Variants in ADAMTSL1 observed in about 807,000 individuals in gnomAD.
The protein encoded by ADAMTSL1 is ADAMTS-like protein 1.
ADAMTSL1 carries 126 observed loss-of-function variants against 201.8 expected under a neutral mutation model. The observed-to-expected ratio is 0.62, with a 90% CI of 0.54 to 0.72. The LOEUF (loss-of-function observed/expected upper bound fraction) is 0.72. ADAMTSL1 is among the 30% of genes least tolerant of loss of function. ADAMTSL1 has a pLI of 0.00. For synonymous variants in ADAMTSL1, 1,121 were observed against 903.4 expected (o/e 1.24, Z -4.32); for missense variants, 2,679 against 2,277.8 (o/e 1.18, Z -3.59).
intron 2 of ADAMTSL1, among the ~76,000 whole-genome samples, chr9:18,192,560 T>G (rs1829011737): frequency 6.6e-6 from 1 of 152,160 alleles, no homozygotes; most frequent in African/African-American, 2.4e-5. Context: ...TTAATAATAT[T>G]TTGGAAGCTA....
intron 2 of ADAMTSL1, among the ~76,000 whole-genome samples, chr9:18,210,421 ATT>A (rs1249941758): frequency 3.4e-5 from 5 of 146,000 alleles, no homozygotes; most frequent in South Asian, 2.1e-4. Flanking sequence ...TATGATATAT[ATT>A]AATAAATATA....
intron 23 of ADAMTSL1, among the ~76,000 whole-genome samples, chr9:18,858,754 C>A (rs1827023059): frequency 6.6e-6 from 1 of 152,146 alleles, no homozygotes; most frequent in Non-Finnish European, 1.5e-5. Flanking sequence ...TCAGGTCTTA[C>A]CTTTGTGACT....
At chr9:18,030,793 A>G (rs1417834632) in intron 1 of ADAMTSL1, among the ~76,000 whole-genome samples, 2 of 152,160 alleles carry the variant, frequency 1.3e-5, no homozygotes, top group Non-Finnish European at 2.9e-5. Flanking sequence ...TCTCTCAGGA[A>G]TGCCAATGAA....
chr9:18,800,051 C>A (rs1288462541), intron 20 of ADAMTSL1, among the ~76,000 whole-genome samples: 1 of 152,032 alleles, frequency 6.6e-6, no homozygotes, highest in African/African-American at 2.4e-5. Context: ...CAAAGGCTAA[C>A]AAAGGAAGAT....
chr9:18,787,932 T>C (rs762850249), intron 19 of ADAMTSL1, among the ~76,000 whole-genome samples: 1 of 152,152 alleles, frequency 6.6e-6, no homozygotes, highest in Non-Finnish European at 1.5e-5. Context: ...CAAGACTCTA[T>C]GAACTTCTGA....
chr9:18,023,247 G>C (rs1266946612), intron 1 of ADAMTSL1, among the ~76,000 whole-genome samples: 1 of 152,026 alleles, frequency 6.6e-6, no homozygotes, highest in Non-Finnish European at 1.5e-5. Flanking sequence ...AACACAGATT[G>C]CTGGGTCCCT....
chr9:18,149,526 T>A (rs1340563998), intron 1 of ADAMTSL1, among the ~76,000 whole-genome samples: 6 of 151,980 alleles, frequency 3.9e-5, no homozygotes, highest in Non-Finnish European at 8.8e-5. Context: ...GAGCACAACA[T>A]CACATCACCA....
chr9:18,297,867 C>T (rs1372885717), intron 2 of ADAMTSL1, among the ~76,000 whole-genome samples: 2 of 152,152 alleles, frequency 1.3e-5, no homozygotes, highest in Non-Finnish European at 2.9e-5. Flanking sequence ...CCCTTTGAAC[C>T]GCAGCAAAAG....
intron 1 of ADAMTSL1, among the ~76,000 whole-genome samples, chr9:18,144,083 T>C (rs2132017185): frequency 6.6e-6 from 1 of 152,304 alleles, no homozygotes; most frequent in Non-Finnish European, 1.5e-5. Context: ...TGGAACTCTC[T>C]CCTGATTTTG....
intron 1 of ADAMTSL1, among the ~76,000 whole-genome samples, chr9:17,935,499 C>T (rs970821874): frequency 1.3e-5 from 2 of 152,150 alleles, no homozygotes; most frequent in African/African-American, 4.8e-5. Context: ...ATTTAACAGG[C>T]CTCTTACCAT....
At chr9:18,702,702 T>G (rs1484544734) in intron 13 of ADAMTSL1, among the ~76,000 whole-genome samples, 1 of 152,170 alleles carries the variant, frequency 6.6e-6, no homozygotes, top group Non-Finnish European at 1.5e-5. Context: ...ACACCCATCT[T>G]TTAAAGAAAT....
intron 2 of ADAMTSL1, among the ~76,000 whole-genome samples, chr9:18,171,530 T>C (rs1375523603): frequency 6.6e-6 from 1 of 152,070 alleles, no homozygotes; most frequent in Non-Finnish European, 1.5e-5. Flanking sequence ...TGTACATAAC[T>C]GGCAAAAAAA....
Position 18,539,203 on chromosome 9 carries a change from A to G in ADAMTSL1, c.237+5911A>G, listed in dbSNP as rs566222803. Among the ~76,000 whole-genome samples, 147 of 152,356 alleles carry G rather than the reference A, an allele frequency of 9.6e-4. 2 individuals carry two copies. The highest frequency in any genetic ancestry group is 6.8e-3 in the Middle Eastern group (2 of 294). Reference sequence around the variant, plus strand: ...TCTCTTGATCAATCAGTTTTAAAACAGCATTTATTGAACACCCAACTCCTG... The same window carrying G: ...TCTCTTGATCAATCAGTTTTAAAACGGCATTTATTGAACACCCAACTCCTG... On this transcript the variant is annotated intron_variant, in intron 3 of 28. Coordinates refer to ENST00000380548, the MANE Select transcript of ADAMTSL1 (RefSeq NM_001040272.6).
intron 2 of ADAMTSL1, among the ~76,000 whole-genome samples, chr9:18,416,953 C>G (rs898498025): frequency 1.3e-5 from 2 of 151,998 alleles, no homozygotes; most frequent in African/African-American, 4.8e-5. Flanking sequence ...ATAGGATATT[C>G]AGTCAGAATA....
intron 23 of ADAMTSL1, among the ~76,000 whole-genome samples, chr9:18,852,464 C>T (rs774570965): frequency 1.3e-5 from 2 of 150,578 alleles, no homozygotes; most frequent in Non-Finnish European, 3.0e-5. Context: ...CCCTCAGAAG[C>T]CAGATCCTGG....
intron 2 of ADAMTSL1, among the ~76,000 whole-genome samples, chr9:18,247,337 AT>A (rs1231978930): frequency 6.6e-6 from 1 of 152,188 alleles, no homozygotes; most frequent in Non-Finnish European, 1.5e-5. Context: ...AATAACTTAT[AT>A]TTTGAAGAAA....
rs1279776488 is a variant in ADAMTSL1 at position 18,892,560 on chromosome 9, G to A, written c.4815G>A (p.Gln1605=). ...RPVDTQACNQ[Q]LCVEWAFSSW... is the part of the protein sequence containing the mutation. ...TGGACACCCAGGCCTGTAACCAGCAGCTGTGTGTGGAGTGGGCCTTCTCCA... is the reference window on the plus strand; with the variant it reads ...TGGACACCCAGGCCTGTAACCAGCAACTGTGTGTGGAGTGGGCCTTCTCCA... Residue 1605 remains glutamine (Q), a synonymous_variant, in exon 26 of 29, where the codon CAG becomes CAA. Transcript: ENST00000380548. 1 of 1,574,444 alleles carries A rather than the reference G, an allele frequency of 6.4e-7. No individual in the cohort carries two copies. Among genetic ancestry groups the A allele is most frequent in the Non-Finnish European group, 8.6e-7 (1 of 1,159,712 alleles).
chr9:18,784,795 T>C (rs1246908927), intron 19 of ADAMTSL1, among the ~76,000 whole-genome samples: 1 of 152,218 alleles, frequency 6.6e-6, no homozygotes, highest in Non-Finnish European at 1.5e-5. Flanking sequence ...TTGAAGTTAC[T>C]ATCCCAATTT....
chr9:18,406,238 A>G (rs1434395300), intron 2 of ADAMTSL1, among the ~76,000 whole-genome samples: 1 of 151,922 alleles, frequency 6.6e-6, no homozygotes, highest in African/African-American at 2.4e-5. Context: ...TTCAAAGAGT[A>G]TGCTCATGAA....
Sources: allele counts gnomAD v4.1 joint callset (sites outside exome capture counted in the v4.1 genomes callset), GRCh38; gene constraint gnomAD v4.1.1; transcripts MANE v1.5; gene names NCBI Gene and HGNC (gene_info 2026-07-23, HGNC 2026-07-21).